The following ASIC2 variants were observed in gnomAD, a reference collection of about 807,000 sequenced individuals.
The protein encoded by ASIC2 is acid-sensing ion channel 2.
A neutral mutation model predicts 57.3 loss-of-function variants in ASIC2; 25 were observed. That is an observed-to-expected ratio of 0.44 (90% confidence interval 0.32 to 0.61). The LOEUF (loss-of-function observed/expected upper bound fraction) is 0.61, where lower values mean the gene tolerates loss of function less well. ASIC2 is among the 20% of genes least tolerant of loss of function. ASIC2 has a pLI of 0.06. For synonymous variants in ASIC2, 319 were observed against 307.5 expected (o/e 1.04, Z -0.39); for missense variants, 641 against 738.1 (o/e 0.87, Z 1.52).
chr17:33,849,972 A>G (rs1913720471), intron 1 of ASIC2, among the ~76,000 whole-genome samples: 1 of 152,208 alleles, frequency 6.6e-6, no homozygotes, highest in Non-Finnish European at 1.5e-5. Context: ...AAAAGTAACA[A>G]CAGTAGATAT....
chr17:33,892,723 T>A (rs921581063), intron 1 of ASIC2, among the ~76,000 whole-genome samples: 10 of 152,220 alleles, frequency 6.6e-5, no homozygotes, highest in African/African-American at 2.4e-4. Context: ...GTTTTATTTC[T>A]CAAAATAAGC....
chr17:33,641,927 T>C (rs549173091), intron 1 of ASIC2, among the ~76,000 whole-genome samples: 1 of 152,354 alleles, frequency 6.6e-6, no homozygotes, highest in South Asian at 2.1e-4. Context: ...AAGTGAGATA[T>C]AAAAAGATCA....
chr17:33,043,256 T>C lies in ASIC2; in HGVS notation c.988-14864A>G, dbSNP rs145403730. 1.7e-4 allele frequency among the ~76,000 whole-genome samples: 26 copies of C among 152,294 alleles called. No homozygotes were observed. The East Asian group carries it at 4.6e-3, about 27-fold the overall frequency. ...CGTTTTACTGATGAGCAAACTTCAG[T>C]CACTTGCCACACTGCTAAGAAGTGG... On this transcript the variant is annotated intron_variant, in intron 3 of 9. Coordinates refer to ENST00000225823, the MANE Select transcript of ASIC2 (RefSeq NM_183377.2).
intron 1 of ASIC2, among the ~76,000 whole-genome samples, chr17:33,566,517 A>C (rs554452912): frequency 3.9e-5 from 6 of 152,190 alleles, no homozygotes; most frequent in Non-Finnish European, 8.8e-5. Flanking sequence ...ACTTTGAACT[A>C]AGGGCACAAA....
At chr17:33,358,479 A>C (rs1241428203) in intron 1 of ASIC2, among the ~76,000 whole-genome samples, 2 of 152,206 alleles carry the variant, frequency 1.3e-5, no homozygotes, top group Non-Finnish European at 2.9e-5. Context: ...TCATTCATTC[A>C]TTCACGTATT....
intron 1 of ASIC2, among the ~76,000 whole-genome samples, chr17:33,804,104 A>C (rs1351055708): frequency 6.6e-6 from 1 of 152,230 alleles, no homozygotes; most frequent in Non-Finnish European, 1.5e-5. Context: ...ATGTGTCAGA[A>C]GTCACCTGTT....
At chr17:33,576,791 T>A (rs1916637416) in intron 1 of ASIC2, among the ~76,000 whole-genome samples, 1 of 152,188 alleles carries the variant, frequency 6.6e-6, no homozygotes, top group Non-Finnish European at 1.5e-5. Context: ...CACCTGGTTC[T>A]TTGAGTCTCA....
intron 1 of ASIC2, among the ~76,000 whole-genome samples, chr17:33,474,142 G>A (rs568790327): frequency 3.3e-5 from 5 of 152,160 alleles, no homozygotes; most frequent in South Asian, 2.1e-4. Context: ...TGAGGCAAGC[G>A]AATCATCTGA....
chr17:33,540,785 C>G (rs536499382), intron 1 of ASIC2, among the ~76,000 whole-genome samples: 1 of 152,266 alleles, frequency 6.6e-6, no homozygotes, highest in South Asian at 2.1e-4. Context: ...GATCAGCACA[C>G]AGGACACGCT....
intron 1 of ASIC2, among the ~76,000 whole-genome samples, chr17:33,721,282 C>T (rs1402764566): frequency 2.6e-5 from 4 of 152,208 alleles, no homozygotes; most frequent in Non-Finnish European, 5.9e-5. Context: ...TTCATTCATG[C>T]TTTCATTCAT....
At chr17:33,094,637 C>T (rs1203343985) in intron 2 of ASIC2, among the ~76,000 whole-genome samples, 1 of 152,188 alleles carries the variant, frequency 6.6e-6, no homozygotes, top group Admixed American at 6.5e-5. Context: ...GAAGGACGGA[C>T]ATTGGGTTTG....
chr17:33,266,785 G>A (rs912339280), intron 1 of ASIC2, among the ~76,000 whole-genome samples: 14 of 152,062 alleles, frequency 9.2e-5, no homozygotes, highest in African/African-American at 2.4e-5. Context: ...CAACTCCCTC[G>A]CAGATGTCAA....
intron 1 of ASIC2, among the ~76,000 whole-genome samples, chr17:33,518,956 G>A (rs546556206): frequency 6.6e-6 from 1 of 152,044 alleles, no homozygotes; most frequent in South Asian, 2.1e-4. Context: ...GAGTAGCTGG[G>A]ACTACAGGCG....
rs558890415 is a variant in ASIC2, at chr17:33,914,529, C to A, written c.555+241449G>T. 5.3e-5 allele frequency among the ~76,000 whole-genome samples: 8 copies of A among 152,244 alleles called. No homozygotes were observed. The South Asian group carries it at 6.2e-4, about 12-fold the overall frequency. Reference sequence around the variant, plus strand: ...GATGGTGGCCAGAGTTTTACAACTGCAGGAACAGGCTAAGGGGTAGGTGGT... The same window carrying A: ...GATGGTGGCCAGAGTTTTACAACTGAAGGAACAGGCTAAGGGGTAGGTGGT... On this transcript the variant is annotated intron_variant, in intron 1 of 9. Transcript: ENST00000359872.
At chr17:33,785,957 T>C (rs1911589054) in intron 1 of ASIC2, among the ~76,000 whole-genome samples, 1 of 152,232 alleles carries the variant, frequency 6.6e-6, no homozygotes, top group South Asian at 2.1e-4. Flanking sequence ...GGTTTACTGC[T>C]ATCTGCTAAG....
At chr17:33,021,165 C>T in intron 7 of ASIC2, 54 bp downstream of exon 7, 2 of 685,048 alleles carry the variant, frequency 2.9e-6, no homozygotes, top group Admixed American at 2.0e-5. Flanking sequence ...TGCATCCTCC[C>T]TCCCTCCCAC....
Position 33,661,862 on chromosome 17 carries a change from A to G in ASIC2, c.555+494116T>C, listed in dbSNP as rs1485038596. Among the ~76,000 whole-genome samples, 7 of 152,300 alleles carry G rather than the reference A, an allele frequency of 4.6e-5. 1 individual carries two copies. In the East Asian group the frequency reaches 1.4e-3, roughly 29 times the overall value. ...CAGAAAACTGACTGGCGGCAGAAAT[A>G]AAACCACCATAGAACTTACCTTGGT... On this transcript the variant is annotated intron_variant, in intron 1 of 9. Transcript: ENST00000359872.
chr17:34,110,242 G>A (rs1235362109), intron 1 of ASIC2, among the ~76,000 whole-genome samples: 1 of 152,138 alleles, frequency 6.6e-6, no homozygotes, highest in Non-Finnish European at 1.5e-5. Flanking sequence ...AAACAAACGT[G>A]GGCATCAAGT....
chr17:33,285,336 T>C (rs1905106810), intron 1 of ASIC2, among the ~76,000 whole-genome samples: 1 of 152,238 alleles, frequency 6.6e-6, no homozygotes, highest in Non-Finnish European at 1.5e-5. Context: ...GTTCCTTGTA[T>C]AAATGTCTAT....
Sources: gnomAD v4.1 joint callset for allele counts (sites outside exome capture counted in the v4.1 genomes callset) on GRCh38, gnomAD v4.1.1 for gene constraint, MANE v1.5 for transcripts, NCBI Gene and HGNC (gene_info 2026-07-23, HGNC 2026-07-21) for gene names.